Variants in UIMC1 observed in about 807,000 individuals in gnomAD.
The protein encoded by UIMC1 is BRCA1-A complex subunit RAP80.
UIMC1 carries 42 observed loss-of-function variants against 84.9 expected under a neutral mutation model. The observed-to-expected ratio is 0.49, with a 90% CI of 0.39 to 0.64. The LOEUF is 0.64. UIMC1 is among the 30% of genes least tolerant of loss of function. The pLI is 0.00. For synonymous variants in UIMC1, 281 were observed against 293.0 expected, an observed-to-expected ratio of 0.96 and a Z score of 0.42; for missense variants, 825 against 847.6, an observed-to-expected ratio of 0.97 and a Z score of 0.33.
intron 8 of UIMC1, among the ~76,000 whole-genome samples, chr5:176,953,515 C>CACACACACACACAT (rs1554120154): frequency 6.6e-6 from 1 of 151,500 alleles, no homozygotes; most frequent in African/African-American, 2.4e-5. Context: ...CACACACACA[C>CACACACACACACAT]ACACACACAC....
chr5:177,003,954 G>C (rs1774907399), intron 1 of UIMC1, among the ~76,000 whole-genome samples: 1 of 152,204 alleles, frequency 6.6e-6, no homozygotes, highest in South Asian at 2.1e-4. Context: ...AGAGCCTCCT[G>C]GGCAGCTGGG....
At chr5:176,907,071 G>A (rs758303832) in intron 13 of UIMC1, 43 bp downstream of exon 13, 1 of 1,598,192 alleles carries the variant, frequency 6.3e-7, no homozygotes, top group Non-Finnish European at 8.6e-7. Flanking sequence ...TTCACTGAAA[G>A]GCCTTAGGCA....
rs1347909036 is a variant in UIMC1, at chr5:176,943,396, A to T, written c.1536T>A (p.Phe512Leu). 6.2e-7 allele frequency: 1 copy of T among 1,614,204 alleles called. No individual in the cohort carries two copies. Among genetic ancestry groups the T allele is most frequent in the Non-Finnish European group, 8.5e-7 (1 of 1,180,042 alleles). ...CATGTCGTTCAATCTTTGTGGGTGG[A>T]AAGCATTGGTCACATAGCGGGCAGG... Reference protein sequence around the residue: ...QVSCPLCDQCFPPTKIERHAM... With the variant: ...QVSCPLCDQCLPPTKIERHAM... The change falls in exon 10 of 15, where the codon TTT becomes TTA. Residue 512 changes from phenylalanine to leucine, a missense_variant. Phe to Leu is a conservative substitution (Grantham distance 22). Coordinates refer to ENST00000511320, the MANE Select transcript of UIMC1 (RefSeq NM_001199298.2).
chr5:177,016,562 G>C (rs1380070847), intron 1 of UIMC1, among the ~76,000 whole-genome samples: 1 of 151,072 alleles, frequency 6.6e-6, no homozygotes, highest in Non-Finnish European at 1.5e-5. Flanking sequence ...GTGGTGGCAC[G>C]CACCTCTAGT....
chr5:177,000,498 C>CTTTTTTTTTTTTTTTTTTTTT lies in UIMC1; in HGVS notation c.-9+6151_-9+6152insAAAAAAAAAAAAAAAAAAAAA, dbSNP rs966855813. 9.1e-4 allele frequency among the ~76,000 whole-genome samples: 103 copies of CTTTTTTTTTTTTTTTTTTTTT among 113,332 alleles called. 5 individuals are homozygous for CTTTTTTTTTTTTTTTTTTTTT. Among genetic ancestry groups the CTTTTTTTTTTTTTTTTTTTTT allele is most frequent in the African/African-American group, 2.6e-3 (64 of 25,072 alleles). The allele number at this position is 113,332 out of a possible 152,430, so 74.4% of individuals were successfully genotyped here. A position where few individuals can be genotyped will look rare whatever the true frequency, so the allele number is the denominator to read the frequency against. On this transcript the variant is annotated intron_variant, in intron 1 of 14. Transcript: ENST00000511320. ...ATATGCCTGTTTTCCACTTGCATGT[C>CTTTTTTTTTTTTTTTTTTTTT]TTTTTTTTTTTTTTTTTTTGAGATG...
chr5:176,905,818 C>T (rs544864386), intron 14 of UIMC1, 193 bp downstream of exon 14: 1 of 652,382 alleles, frequency 1.5e-6, no homozygotes, highest in African/African-American at 1.8e-5. Context: ...TGTTTTAACA[C>T]AATGAATGAA....
intron 13 of UIMC1, among the ~76,000 whole-genome samples, chr5:176,906,861 T>C (rs1434233187): frequency 6.6e-6 from 1 of 152,246 alleles, no homozygotes; most frequent in African/African-American, 2.4e-5. Context: ...GTTTTGATAG[T>C]GTTTTTTCTG....
chr5:177,022,566 C>A lies in UIMC1; in HGVS notation c.-111G>T, dbSNP rs1472934150. The A allele has an allele frequency of 6.3e-6, 4 of 634,230 alleles. No individual in the cohort carries two copies. In the East Asian group the frequency reaches 1.0e-4, roughly 16 times the overall value. The allele number at this position is 634,230 out of a possible 1,614,324, so 39.3% of individuals were successfully genotyped here. ...GACAGGTTTCCGAATCCACGGCACACGCTCTGAGGTACCAGAGGTAGCAAA... is the reference window on the plus strand; with the variant it reads ...GACAGGTTTCCGAATCCACGGCACAAGCTCTGAGGTACCAGAGGTAGCAAA... On this transcript the variant is annotated 5_prime_UTR_variant, in exon 1 of 6. Transcript: ENST00000509236.
At chr5:176,999,874 A>C (rs1389757166) in intron 1 of UIMC1, among the ~76,000 whole-genome samples, 1 of 152,174 alleles carries the variant, frequency 6.6e-6, no homozygotes, top group Non-Finnish European at 1.5e-5. Context: ...GAGTGCAGAT[A>C]TCTCTTCAAT....
At chr5:176,905,756 T>C (rs780251562) in intron 14 of UIMC1, 2 of 622,472 alleles carry the variant, frequency 3.2e-6, no homozygotes, top group South Asian at 2.1e-5. Flanking sequence ...AAAACCAGGG[T>C]TGGATGGGGA....
chr5:176,985,378 C>G (rs1581650335), intron 1 of UIMC1, among the ~76,000 whole-genome samples: 1 of 151,834 alleles, frequency 6.6e-6, no homozygotes, highest in East Asian at 1.9e-4. Flanking sequence ...ATCACTTGAA[C>G]CCGGGAGGCG....
At chr5:176,930,872 G>A (rs1236146168) in intron 10 of UIMC1, among the ~76,000 whole-genome samples, 1 of 152,166 alleles carries the variant, frequency 6.6e-6, no homozygotes, top group East Asian at 1.9e-4. Flanking sequence ...ATTTATTCTA[G>A]GTAATTGAAA....
intron 2 of UIMC1, among the ~76,000 whole-genome samples, chr5:176,977,179 C>G (rs1335136139): frequency 6.7e-6 from 1 of 148,730 alleles, no homozygotes. Flanking sequence ...GCCAAGATCG[C>G]GCCACTGCTC....
chr5:176,948,920 T>C (rs1331599493), intron 9 of UIMC1, among the ~76,000 whole-genome samples: 1 of 152,176 alleles, frequency 6.6e-6, no homozygotes, highest in African/African-American at 2.4e-5. Context: ...AAATGTTCCA[T>C]TCTGTCTAAT....
rs200923725 is a variant in UIMC1 at position 176,968,756 on chromosome 5, C to A, written c.999G>T (p.Gln333His). ...CCTGCTCTCCTTGGCCACATTCATT[C>A]TGGATCAGAGAAGGAGGTCTAGGTA... ...PVLPRPPSLI[Q>H]NECGQGEQAS... The change falls in exon 6 of 15, where the codon CAG becomes CAT. Residue 333 changes from glutamine to histidine, a missense_variant. Transcript: ENST00000511320. 64 of 1,614,028 alleles carry A rather than the reference C, an allele frequency of 4.0e-5. No homozygotes were observed. Among genetic ancestry groups the A allele is most frequent in the Admixed American group, 1.0e-4 (6 of 59,990 alleles).
At chr5:176,950,610 C>T (rs917406442) in intron 9 of UIMC1, among the ~76,000 whole-genome samples, 1 of 151,936 alleles carries the variant, frequency 6.6e-6, no homozygotes, top group Non-Finnish European at 1.5e-5. Flanking sequence ...TGGCTCACGC[C>T]TGTAATCCCA....
At chr5:176,907,998 CATTAAT>C (rs1216110472) in intron 12 of UIMC1, among the ~76,000 whole-genome samples, 1 of 152,092 alleles carries the variant, frequency 6.6e-6, no homozygotes, top group Non-Finnish European at 1.5e-5. Context: ...GTGATATAAA[CATTAAT>C]AGTAATTTTT....
intron 1 of UIMC1, among the ~76,000 whole-genome samples, chr5:176,997,732 T>A (rs1773833493): frequency 6.6e-6 from 1 of 151,936 alleles, no homozygotes; most frequent in Non-Finnish European, 1.5e-5. Context: ...CCCACTATTT[T>A]TATAGTTAGG....
At chr5:176,948,153 G>A (rs1398771953) in intron 9 of UIMC1, among the ~76,000 whole-genome samples, 1 of 152,104 alleles carries the variant, frequency 6.6e-6, no homozygotes, top group East Asian at 1.9e-4. Context: ...TCTGAGAATA[G>A]GATATTTATC....
Sources: gnomAD v4.1 joint callset for allele counts (sites outside exome capture counted in the v4.1 genomes callset) on GRCh38, gnomAD v4.1.1 for gene constraint, MANE v1.5 for transcripts, NCBI Gene and HGNC (gene_info 2026-07-23, HGNC 2026-07-21) for gene names.